TUSC3: variants seen among roughly 807,000 people sequenced by gnomAD.
TUSC3 encodes tumor suppressor candidate 3, also known as dolichyl-diphosphooligosaccharide--protein glycosyltransferase subunit TUSC3.
A neutral mutation model predicts 44.8 loss-of-function variants in TUSC3; 45 were observed. The observed-to-expected ratio is 1.00, with a 90% CI of 0.79 to 1.29. TUSC3 has a LOEUF of 1.29. Ranked by LOEUF, TUSC3 falls within the 50% of genes most tolerant of loss-of-function variation. TUSC3 has a pLI of 0.00. For missense variants in TUSC3, 519 were observed against 437.9 expected, an observed-to-expected ratio of 1.19 and a Z score of -1.65; for synonymous variants, 212 against 152.9, an observed-to-expected ratio of 1.39 and a Z score of -2.85.
In TUSC3 at chr8:15,644,549, T is replaced by C. The variant is rs559701362; in HGVS notation, c.309-6148T>C. Reference sequence around the variant, plus strand: ...ATCAGTCCAAGCTGACAGAAACATATTCAAGGATCCTCTGAATTTCTTTAT... The same window carrying C: ...ATCAGTCCAAGCTGACAGAAACATACTCAAGGATCCTCTGAATTTCTTTAT... On this transcript the variant is annotated intron_variant, in intron 2 of 10. Transcript: ENST00000503731. Among the ~76,000 whole-genome samples the C allele has an allele frequency of 4.6e-5, 7 of 152,286 alleles. No individual in the cohort carries two copies. The South Asian group carries it at 1.5e-3, about 32-fold the overall frequency.
chr8:15,633,712 A>G (rs1377277258), intron 2 of TUSC3, among the ~76,000 whole-genome samples: 5 of 152,230 alleles, frequency 3.3e-5, no homozygotes, highest in African/African-American at 9.6e-5. Context: ...ATTGACAGCC[A>G]TCATCAGAAG....
chr8:15,644,099 G>T (rs1806509471), intron 2 of TUSC3, among the ~76,000 whole-genome samples: 1 of 152,118 alleles, frequency 6.6e-6, no homozygotes, highest in African/African-American at 2.4e-5. Flanking sequence ...AACTGTAGAT[G>T]ATATAATTCT....
At chr8:15,498,940 C>G (rs1235874132) in intron 2 of TUSC3, among the ~76,000 whole-genome samples, 1 of 152,168 alleles carries the variant, frequency 6.6e-6, no homozygotes. Flanking sequence ...GAATTCTCAA[C>G]TGATACAGGT....
At chr8:15,432,869 G>A (rs545247842) in intron 1 of TUSC3, among the ~76,000 whole-genome samples, 2 of 152,250 alleles carry the variant, frequency 1.3e-5, no homozygotes, top group South Asian at 2.1e-4. Flanking sequence ...TCCCAGGTCA[G>A]TTAGGGGCTG....
chr8:15,848,217 C>T, the TUSC3 span, among the ~76,000 whole-genome samples: 1 of 152,194 alleles, frequency 6.6e-6, no homozygotes, highest in Non-Finnish European at 1.5e-5. Context: ...CAACGACCTG[C>T]TTTCATCCTT....
At chr8:15,491,462 C>G (rs1472375471) in intron 2 of TUSC3, among the ~76,000 whole-genome samples, 1 of 151,796 alleles carries the variant, frequency 6.6e-6, no homozygotes, top group African/African-American at 2.4e-5. Flanking sequence ...TTCAGTGTTA[C>G]AAATCAGAGT....
the TUSC3 span, among the ~76,000 whole-genome samples, chr8:15,842,130 C>T: frequency 6.6e-6 from 1 of 152,074 alleles, no homozygotes; most frequent in African/African-American, 2.4e-5. Flanking sequence ...ACTTACTGAA[C>T]ACAAAACCTT....
intron 1 of TUSC3, among the ~76,000 whole-genome samples, chr8:15,566,237 G>T (rs1180930395): frequency 1.3e-5 from 2 of 152,074 alleles, no homozygotes; most frequent in East Asian, 3.9e-4. Context: ...GAATTCAGAA[G>T]CCATTCTTTA....
intron 1 of TUSC3, among the ~76,000 whole-genome samples, chr8:15,425,421 TATG>T (rs1384655308): frequency 6.6e-6 from 1 of 152,218 alleles, no homozygotes; most frequent in African/African-American, 2.4e-5. Flanking sequence ...GCCATAATCC[TATG>T]ATGAAAATTA....
At chr8:15,420,897 A>G (rs1799730650) in intron 1 of TUSC3, among the ~76,000 whole-genome samples, 1 of 152,120 alleles carries the variant, frequency 6.6e-6, no homozygotes, top group South Asian at 2.1e-4. Context: ...GACCTGTCTC[A>G]GTCTTTAATC....
At chr8:15,843,475 A>G in the TUSC3 span, among the ~76,000 whole-genome samples, 1 of 151,908 alleles carries the variant, frequency 6.6e-6, no homozygotes, top group Non-Finnish European at 1.5e-5. Flanking sequence ...ATTTATAGCA[A>G]TGGGTGTCTC....
intron 2 of TUSC3, among the ~76,000 whole-genome samples, chr8:15,627,525 G>A (rs551034553): frequency 1.2e-4 from 19 of 152,342 alleles, no homozygotes; most frequent in South Asian, 8.3e-4. Context: ...CATGCCCCTC[G>A]CTTGCCATGT....
At chr8:15,780,177 A>G in the TUSC3 span, among the ~76,000 whole-genome samples, 1 of 152,210 alleles carries the variant, frequency 6.6e-6, no homozygotes, top group Non-Finnish European at 1.5e-5. Flanking sequence ...TTTCAGAGAA[A>G]ATCAGGAATT....
At chr8:15,531,330 C>G (rs889837083) in intron 2 of TUSC3, among the ~76,000 whole-genome samples, 2 of 152,174 alleles carry the variant, frequency 1.3e-5, no homozygotes, top group Non-Finnish European at 2.9e-5. Context: ...GTGGTCATTG[C>G]AACCTCCATC....
intron 1 of TUSC3, among the ~76,000 whole-genome samples, chr8:15,475,818 C>G (rs1291504632): frequency 6.6e-6 from 1 of 152,102 alleles, no homozygotes; most frequent in Non-Finnish European, 1.5e-5. Flanking sequence ...TGTAGGCACT[C>G]TGAAAGTCTA....
chr8:15,617,138 ATTT>A lies in TUSC3; in HGVS notation c.139-5925_139-5923del, dbSNP rs71211064. 2.0e-3 allele frequency among the ~76,000 whole-genome samples: 179 copies of A among 88,904 alleles called. 1 individual carries two copies. The highest frequency in any genetic ancestry group is 0.012 in the Middle Eastern group (2 of 168). The allele number at this position is 88,904 out of a possible 152,430, so 58.3% of individuals were successfully genotyped here. A position where few individuals can be genotyped will look rare whatever the true frequency, so the allele number is the denominator to read the frequency against. Reference sequence around the variant, plus strand: ...CTGTAAAATGTGTGTGTGTGTATATATTTTTTTTTTTTTTTTTTTGAGACAGAG... The same window carrying A: ...CTGTAAAATGTGTGTGTGTGTATATATTTTTTTTTTTTTTTTGAGACAGAG... On this transcript the variant is annotated intron_variant, in intron 1 of 10. Coordinates refer to ENST00000503731, the MANE Select transcript of TUSC3 (RefSeq NM_006765.4).
intron 10 of TUSC3, chr8:15,758,299 T>C (rs1812018232): frequency 6.2e-6 from 6 of 960,730 alleles, no homozygotes; most frequent in Non-Finnish European, 6.2e-6. Context: ...CTGAAAACTT[T>C]TTTAAAATCA....
intron 3 of TUSC3, among the ~76,000 whole-genome samples, chr8:15,654,316 G>T (rs1435018179): frequency 6.6e-6 from 1 of 152,114 alleles, no homozygotes; most frequent in African/African-American, 2.4e-5. Context: ...GCACAGGGAA[G>T]AAAGGAACTG....
chr8:15,642,753 T>A (rs1352835269), intron 2 of TUSC3, among the ~76,000 whole-genome samples: 1 of 152,180 alleles, frequency 6.6e-6, no homozygotes, highest in East Asian at 1.9e-4. Context: ...GGGCATGTTA[T>A]CATAAACAAG....
Sources: allele counts gnomAD v4.1 joint callset (sites outside exome capture counted in the v4.1 genomes callset), GRCh38; gene constraint gnomAD v4.1.1; transcripts MANE v1.5; gene names NCBI Gene and HGNC (gene_info 2026-07-23, HGNC 2026-07-21).